The following SCN1A variants were observed in gnomAD, a reference collection of about 807,000 sequenced individuals.
SCN1A encodes sodium voltage-gated channel alpha subunit 1.
A neutral mutation model predicts 193.7 loss-of-function variants in SCN1A; 13 were observed. That is an observed-to-expected ratio of 0.07 (90% CI 0.04 to 0.11). The LOEUF (loss-of-function observed/expected upper bound fraction) is 0.11. Ranked by LOEUF, SCN1A falls within the 10% of genes least tolerant of loss-of-function variation. The probability of loss-of-function intolerance (pLI) is 1.00; values close to 1 mark genes in which losing one functional copy is unlikely to be tolerated. For missense variants in SCN1A, 1,432 were observed against 2,451.1 expected (o/e 0.58, Z 8.78); for synonymous variants, 781 against 843.6 (o/e 0.93, Z 1.29).
At chr2:166,137,725 G>T (rs146832407) in intron 1 of SCN1A, 1,780 of 152,432 alleles carry the variant, frequency 0.012, 22 homozygotes, top group Middle Eastern at 0.024. Context: ...TCAGTAAATT[G>T]GTACTGGGAG....
At chr2:166,102,450 C>G (rs980412275) in intron 2 of SCN1A, among the ~76,000 whole-genome samples, 1 of 147,242 alleles carries the variant, frequency 6.8e-6, no homozygotes, top group African/African-American at 2.5e-5. Context: ...GAGCCGAGAT[C>G]GCTCCACAGC....
intron 22 of SCN1A, among the ~76,000 whole-genome samples, chr2:166,010,401 A>G (rs1042345072): frequency 2.0e-5 from 3 of 151,238 alleles, no homozygotes; most frequent in African/African-American, 7.3e-5. Context: ...TAAGTAACTT[A>G]GAAAGAAATT....
chr2:166,103,240 C>G (rs1014446181), intron 2 of SCN1A, among the ~76,000 whole-genome samples: 1 of 152,026 alleles, frequency 6.6e-6, no homozygotes, highest in Non-Finnish European at 1.5e-5. Flanking sequence ...CACCTGAGGC[C>G]AGGAGCTCAA....
intron 2 of SCN1A, among the ~76,000 whole-genome samples, chr2:166,102,429 G>A (rs1355721732): frequency 6.6e-6 from 1 of 150,572 alleles, no homozygotes; most frequent in Admixed American, 6.6e-5. Flanking sequence ...CCAGGAGGCG[G>A]AGCTTGGAGT....
chr2:166,103,366 A>G (rs1688334046), intron 2 of SCN1A, among the ~76,000 whole-genome samples: 1 of 151,780 alleles, frequency 6.6e-6, no homozygotes, highest in South Asian at 2.1e-4. Flanking sequence ...CAGGAGAATC[A>G]CTTGAACCCG....
At chr2:166,101,984 G>A (rs1313726344) in intron 2 of SCN1A, among the ~76,000 whole-genome samples, 1 of 152,122 alleles carries the variant, frequency 6.6e-6, no homozygotes, top group African/African-American at 2.4e-5. Context: ...ATATGATGAA[G>A]GTCTAATATC....
chr2:166,076,668 G>A (rs763726557), intron 3 of SCN1A, among the ~76,000 whole-genome samples: 2 of 151,952 alleles, frequency 1.3e-5, no homozygotes, highest in Non-Finnish European at 2.9e-5. Context: ...TCAATACAGT[G>A]TGGTACTGAC....
Position 166,075,990 on chromosome 2 carries a change from G to A in SCN1A, c.-50+1720C>T, listed in dbSNP as rs2105995300. Among the ~76,000 whole-genome samples, 4 of 151,778 alleles carry A rather than the reference G, an allele frequency of 2.6e-5. No individual in the cohort carries two copies. The South Asian group carries it at 8.3e-4, about 32-fold the overall frequency. On this transcript the variant is annotated intron_variant, in intron 3 of 28. Transcript: ENST00000674923. ...TCCTGCAACTGCTTATTTAAAAACA[G>A]CCCATTTTTTCCTTCTATTTTTTTC...
chr2:166,050,193 T>A (rs1698368286), intron 9 of SCN1A, among the ~76,000 whole-genome samples: 1 of 152,018 alleles, frequency 6.6e-6, no homozygotes, highest in African/African-American at 2.4e-5. Context: ...AATGAAGTTT[T>A]GCCCATTAAA....
chr2:165,991,741 T>A lies in SCN1A; in HGVS notation c.5534A>T (p.Asn1845Ile). Residue 1845 changes from asparagine to isoleucine, a missense_variant, in exon 29 of 29, where the codon AAC becomes ATC. By Grantham distance (149) the Asn-to-Ile change is moderately radical. This residue lies in a region of SCN1A where 59 missense variants were observed against 110.6 expected (regional missense o/e 0.53). Transcript: ENST00000674923. ...LEPPLNLPQP[N>I]KLQLIAMDLP... ...ATCCATGGCAATGAGCTGGAGTTTG[T>A]TTGGTTGTGGCAGATTGAGAGGCGG... 6.2e-7 allele frequency: 1 copy of A among 1,613,920 alleles called. No individual in the cohort carries two copies. The highest frequency in any genetic ancestry group is 8.5e-7 in the Non-Finnish European group (1 of 1,179,916).
At chr2:166,010,860 C>G (rs1692349764) in intron 22 of SCN1A, among the ~76,000 whole-genome samples, 1 of 150,676 alleles carries the variant, frequency 6.6e-6, no homozygotes, top group African/African-American at 2.4e-5. Context: ...TTACAAACTA[C>G]AAAATTTTCT....
intron 22 of SCN1A, 46 bp from the exon 23 acceptor site, chr2:166,009,887 C>G (rs770439572): frequency 7.6e-6 from 12 of 1,576,070 alleles, no homozygotes; most frequent in Non-Finnish European, 1.0e-5. Context: ...AATCATCATT[C>G]AATGTGTAGT....
intron 8 of SCN1A, among the ~76,000 whole-genome samples, chr2:166,052,209 G>A (rs1026366220): frequency 3.9e-5 from 6 of 151,924 alleles, no homozygotes; most frequent in Admixed American, 2.6e-4. Context: ...CCATTATGTC[G>A]AGATAGAGTA....
intron 4 of SCN1A, among the ~76,000 whole-genome samples, chr2:166,059,251 A>C (rs2105920714): frequency 6.6e-6 from 1 of 152,278 alleles, no homozygotes; most frequent in East Asian, 1.9e-4. Context: ...AGATGGATGT[A>C]ATCCAATAAT....
intron 2 of SCN1A, among the ~76,000 whole-genome samples, chr2:166,118,375 A>G (rs1195701272): frequency 2.5e-5 from 3 of 119,110 alleles, no homozygotes; most frequent in Non-Finnish European, 4.8e-5. Context: ...TGCAGTGGCT[A>G]GATTCTTCTT....
intron 2 of SCN1A, among the ~76,000 whole-genome samples, chr2:166,090,029 C>CTT (rs545740675): frequency 0.044 from 3,170 of 71,316 alleles, 432 homozygotes; most frequent in African/African-American, 0.11. Context: ...TCCTTCTTTC[C>CTT]TTTTTTTTTT....
intron 19 of SCN1A, among the ~76,000 whole-genome samples, chr2:166,028,093 T>G (rs1695048190): frequency 6.6e-6 from 1 of 152,138 alleles, no homozygotes; most frequent in Non-Finnish European, 1.5e-5. Flanking sequence ...TTGCCCAGTA[T>G]AAAAGTGAAC....
chr2:166,121,546 C>T (rs193263546), intron 2 of SCN1A, among the ~76,000 whole-genome samples: 4 of 152,224 alleles, frequency 2.6e-5, no homozygotes, highest in Non-Finnish European at 4.4e-5. Context: ...TTATTTCTGC[C>T]CCCACTTTGT....
In SCN1A at chr2:166,023,325, AC is replaced by A. The variant is rs1300747609; in HGVS notation, c.3430-7599del. On this transcript the variant is annotated intron_variant, in intron 19 of 28. Transcript: ENST00000674923. ...GTGGAGCCAACAACCTTATTTTTTC[AC>A]CCTTCTCCTGGCCCAGGCCACAGTA... Among the ~76,000 whole-genome samples, 134 of 152,310 alleles carry A rather than the reference AC, an allele frequency of 8.8e-4. 1 individual carries two copies. Among genetic ancestry groups the A allele is most frequent in the Non-Finnish European group, 6.2e-4 (42 of 68,018 alleles).
Sources: allele counts gnomAD v4.1 joint callset (sites outside exome capture counted in the v4.1 genomes callset), GRCh38; gene constraint gnomAD v4.1.1; regional missense constraint gnomAD v4.1.1; transcripts MANE v1.5; gene names NCBI Gene and HGNC (gene_info 2026-07-23, HGNC 2026-07-21).